Variants in FAF1 observed in about 807,000 individuals in gnomAD.
FAF1 encodes FAS-associated factor 1.
Under a neutral mutation model 92.5 loss-of-function variants are expected in FAF1, and 25 were observed. The observed-to-expected ratio is 0.27, with a 90% CI of 0.20 to 0.38. The LOEUF (loss-of-function observed/expected upper bound fraction) is 0.38, where lower values mean the gene tolerates loss of function less well. FAF1 is among the 10% of genes least tolerant of loss of function. The pLI is 1.00. For missense variants in FAF1, 636 were observed against 793.3 expected (o/e 0.80, Z 2.38); for synonymous variants, 234 against 273.2 (o/e 0.86, Z 1.42).
intron 4 of FAF1, among the ~76,000 whole-genome samples, chr1:50,752,673 C>A (rs548060390): frequency 6.6e-6 from 1 of 151,782 alleles, no homozygotes; most frequent in African/African-American, 2.4e-5. Flanking sequence ...GTTTGATTTG[C>A]TCATTTTTTT....
At chr1:50,669,005 A>G (rs969143601) in intron 7 of FAF1, among the ~76,000 whole-genome samples, 1 of 152,168 alleles carries the variant, frequency 6.6e-6, no homozygotes, top group African/African-American at 2.4e-5. Flanking sequence ...AAGGACATTA[A>G]AAAACCGCCA....
chr1:50,660,077 T>G (rs1655305368), intron 7 of FAF1, among the ~76,000 whole-genome samples: 1 of 152,242 alleles, frequency 6.6e-6, no homozygotes, highest in Non-Finnish European at 1.5e-5. Context: ...CATTTCATTA[T>G]AAGCTACTCA....
chr1:50,698,304 C>T (rs1218348025), intron 7 of FAF1, among the ~76,000 whole-genome samples: 1 of 152,142 alleles, frequency 6.6e-6, no homozygotes, highest in African/African-American at 2.4e-5. Flanking sequence ...TATAGCCTTT[C>T]CCAACACATA....
chr1:50,605,166 T>G (rs867042219), intron 8 of FAF1, among the ~76,000 whole-genome samples: 8 of 152,318 alleles, frequency 5.3e-5, no homozygotes, highest in Middle Eastern at 3.4e-3. Context: ...TTTCATCCCC[T>G]AAAACCAGAT....
intron 15 of FAF1, among the ~76,000 whole-genome samples, chr1:50,499,792 A>G (rs1323037444): frequency 1.3e-5 from 2 of 152,080 alleles, no homozygotes; most frequent in Non-Finnish European, 2.9e-5. Flanking sequence ...GAGTGGAGAA[A>G]GAACAAAGAA....
intron 6 of FAF1, among the ~76,000 whole-genome samples, chr1:50,737,942 G>A (rs1194140912): frequency 6.6e-6 from 1 of 152,002 alleles, no homozygotes; most frequent in Non-Finnish European, 1.5e-5. Flanking sequence ...CATAGTTCTG[G>A]AATAATACTG....
chr1:50,597,144 G>A (rs983981265), intron 8 of FAF1, among the ~76,000 whole-genome samples: 13 of 151,932 alleles, frequency 8.6e-5, no homozygotes, highest in African/African-American at 2.9e-4. Flanking sequence ...CTAGCACACA[G>A]TTGGTGGCTC....
intron 2 of FAF1, among the ~76,000 whole-genome samples, chr1:50,804,199 A>G (rs544785432): frequency 6.6e-6 from 1 of 152,320 alleles, no homozygotes; most frequent in East Asian, 1.9e-4. Flanking sequence ...GACCAAGTAT[A>G]TTCAACAATT....
intron 1 of FAF1, among the ~76,000 whole-genome samples, chr1:50,951,652 A>G (rs1248028793): frequency 6.6e-6 from 1 of 152,192 alleles, no homozygotes; most frequent in African/African-American, 2.4e-5. Context: ...AATGACCTAC[A>G]ACCCAAATAC....
intron 9 of FAF1, among the ~76,000 whole-genome samples, chr1:50,588,001 T>A (rs527245629): frequency 6.6e-6 from 1 of 152,176 alleles, no homozygotes; most frequent in Non-Finnish European, 1.5e-5. Flanking sequence ...AAACTAGGTA[T>A]GTCAGCCAGG....
chr1:50,581,135 A>G (rs1157870866), intron 12 of FAF1, among the ~76,000 whole-genome samples: 14 of 152,208 alleles, frequency 9.2e-5, no homozygotes, highest in Admixed American at 9.2e-4. Flanking sequence ...TAAACATGCA[A>G]TTCTTTAAAA....
intron 9 of FAF1, among the ~76,000 whole-genome samples, chr1:50,595,443 G>A (rs558947280): frequency 6.6e-6 from 1 of 152,348 alleles, no homozygotes; most frequent in East Asian, 1.9e-4. Flanking sequence ...ATTAAGCACA[G>A]TGTCTGCTTC....
At chr1:50,861,989 T>C (rs1164688653) in intron 1 of FAF1, among the ~76,000 whole-genome samples, 1 of 151,788 alleles carries the variant, frequency 6.6e-6, no homozygotes, top group Non-Finnish European at 1.5e-5. Flanking sequence ...GACTATTGTA[T>C]TTTGTTATGA....
chr1:50,827,213 G>C (rs1424535086), intron 2 of FAF1, among the ~76,000 whole-genome samples: 2 of 152,168 alleles, frequency 1.3e-5, no homozygotes, highest in Non-Finnish European at 2.9e-5. Context: ...GGAAAAGAAA[G>C]AGAGATCAGA....
intron 6 of FAF1, among the ~76,000 whole-genome samples, chr1:50,720,247 C>A (rs770233407): frequency 2.0e-5 from 3 of 152,056 alleles, no homozygotes; most frequent in Non-Finnish European, 2.9e-5. Flanking sequence ...GATCCGCGTG[C>A]CTTGGCCTCC....
chr1:50,859,533 T>A (rs914801379), intron 1 of FAF1, among the ~76,000 whole-genome samples: 1 of 151,746 alleles, frequency 6.6e-6, no homozygotes, highest in Non-Finnish European at 1.5e-5. Context: ...ATGAAATACC[T>A]AGGAATGTGG....
At chr1:50,524,742 A>T (rs1647703157) in intron 15 of FAF1, among the ~76,000 whole-genome samples, 1 of 152,072 alleles carries the variant, frequency 6.6e-6, no homozygotes, top group East Asian at 1.9e-4. Flanking sequence ...CCATTGGTCT[A>T]TGTGTCTGTT....
At chr1:50,471,082 CAA>C (rs1278077373) in intron 18 of FAF1, 1 of 152,174 alleles carries the variant, frequency 6.6e-6, no homozygotes, top group African/African-American at 2.4e-5. Flanking sequence ...AAGGCTGAAA[CAA>C]GAGCGGTTGC....
intron 4 of FAF1, among the ~76,000 whole-genome samples, chr1:50,745,129 T>C (rs1659537942): frequency 6.6e-6 from 1 of 151,972 alleles, no homozygotes; most frequent in African/African-American, 2.4e-5. Context: ...TGAAACCCTG[T>C]CTCTATTAAA....
Sources: gnomAD v4.1 joint callset for allele counts (sites outside exome capture counted in the v4.1 genomes callset) on GRCh38, gnomAD v4.1.1 for gene constraint, MANE v1.5 for transcripts, NCBI Gene and HGNC (gene_info 2026-07-23, HGNC 2026-07-21) for gene names.